TENM2: variants seen among roughly 807,000 people sequenced by gnomAD.
TENM2 encodes the protein teneurin transmembrane protein 2.
Under a neutral mutation model 245.2 loss-of-function variants are expected in TENM2, and 52 were observed. The ratio of observed to expected loss-of-function variants is 0.21; its 90% confidence interval spans 0.17 to 0.27. The LOEUF (loss-of-function observed/expected upper bound fraction) is 0.27. TENM2 is among the 10% of genes least tolerant of loss of function. The pLI, the probability that TENM2 is intolerant of heterozygous loss-of-function variation, is 1.00. For synonymous variants in TENM2, 1,363 were observed against 1,438.9 expected (o/e 0.95, Z 1.19); for missense variants, 3,046 against 3,666.8 (o/e 0.83, Z 4.37).
At chr5:168,040,749 T>C (rs1788114976) in intron 5 of TENM2, among the ~76,000 whole-genome samples, 1 of 152,156 alleles carries the variant, frequency 6.6e-6, no homozygotes, top group South Asian at 2.1e-4. Context: ...AAAATAATAA[T>C]ACATTGCAGT....
At chr5:168,170,924 C>G (rs989411876) in intron 13 of TENM2, among the ~76,000 whole-genome samples, 22 of 152,180 alleles carry the variant, frequency 1.4e-4, no homozygotes, top group Non-Finnish European at 2.8e-4. Context: ...TTAGAGGGCC[C>G]TCTGTATATC....
intron 3 of TENM2, among the ~76,000 whole-genome samples, chr5:167,914,228 A>G (rs1032779238): frequency 1.3e-5 from 2 of 152,216 alleles, no homozygotes; most frequent in African/African-American, 4.8e-5. Context: ...TTAAAAACAC[A>G]CATTTATTAT....
chr5:167,256,839 A>T, the TENM2 span, among the ~76,000 whole-genome samples: 3 of 152,140 alleles, frequency 2.0e-5, no homozygotes, highest in African/African-American at 7.2e-5. Flanking sequence ...GGACTTTGGG[A>T]AAAAGAAAAG....
chr5:167,105,938 A>AAAGG, the TENM2 span, among the ~76,000 whole-genome samples: 28 of 147,056 alleles, frequency 1.9e-4, no homozygotes, highest in Admixed American at 1.6e-3. Flanking sequence ...GAAAGTGATC[A>AAAGG]AAGGAGGAAT....
At position 168,111,896 on chromosome 5, in the gene TENM2, T is replaced by G. The variant is rs144382334; in HGVS notation, c.1814-6396T>G. ...CTTTATTGGCAACTTATATTATTTC[T>G]GATATGTGCTTTGCCTAGGTTTTCA... On this transcript the variant is annotated intron_variant, in intron 9 of 28. Transcript: ENST00000518659. Among the ~76,000 whole-genome samples the G allele has an allele frequency of 4.6e-4, 70 of 152,346 alleles. 1 individual carries two copies. The East Asian group carries it at 0.012, about 25-fold the overall frequency.
At chr5:167,298,868 T>C (rs1755132320) in intron 1 of TENM2, among the ~76,000 whole-genome samples, 1 of 152,152 alleles carries the variant, frequency 6.6e-6, no homozygotes. Flanking sequence ...GCAGGGCATG[T>C]ATGAGTAGTT....
At chr5:167,386,869 T>C (rs745506890) in intron 2 of TENM2, among the ~76,000 whole-genome samples, 139 of 152,286 alleles carry the variant, frequency 9.1e-4, no homozygotes, top group Non-Finnish European at 1.4e-3. Flanking sequence ...CATTTTTATA[T>C]ACCTATTTTT....
intron 2 of TENM2, among the ~76,000 whole-genome samples, chr5:167,445,336 T>TATATATATATATAG (rs368881390): frequency 2.6e-5 from 2 of 77,306 alleles, no homozygotes; most frequent in African/African-American, 5.6e-5. Flanking sequence ...TATATATATA[T>TATATATATATATAG]AGAGAGAGAG....
chr5:168,234,891 G>A (rs1765283175), intron 25 of TENM2, among the ~76,000 whole-genome samples: 1 of 152,208 alleles, frequency 6.6e-6, no homozygotes, highest in South Asian at 2.1e-4. Flanking sequence ...ATTGGTATTA[G>A]TGTTATTAGT....
intron 2 of TENM2, among the ~76,000 whole-genome samples, chr5:167,482,793 A>G (rs1378872163): frequency 6.6e-6 from 1 of 152,240 alleles, no homozygotes; most frequent in Non-Finnish European, 1.5e-5. Context: ...GGCAACAGTT[A>G]TATTAAGTGA....
chr5:167,946,267 G>A (rs1383842494), intron 3 of TENM2, among the ~76,000 whole-genome samples: 2 of 152,086 alleles, frequency 1.3e-5, no homozygotes, highest in Non-Finnish European at 2.9e-5. Context: ...GTCAGAGCAG[G>A]ACAGGACAAG....
intron 25 of TENM2, among the ~76,000 whole-genome samples, chr5:168,234,761 G>T (rs774543910): frequency 6.6e-6 from 1 of 152,132 alleles, no homozygotes; most frequent in African/African-American, 2.4e-5. Context: ...ATATAACCAC[G>T]CTCTAGGATA....
rs577077318 is a variant in TENM2, at chr5:167,375,246, A to G, written c.275A>G (p.His92Arg). The stretch of plus-strand genomic sequence containing the variant: ...CTGGGCATCTGTGAGCCCTCCCCAC[A>G]CCGAAGCGGCTACTGCTCCGACATG... The change falls in exon 2 of 29, where the codon CAC (histidine) becomes CGC (arginine). Residue 92 changes from histidine (H) to arginine (R), a missense_variant. By Grantham distance (29) the His-to-Arg change is conservative. Transcript: ENST00000518659. 2.8e-4 allele frequency: 431 copies of G among 1,551,474 alleles called. 1 individual carries two copies. The highest frequency in any genetic ancestry group is 1.0e-3 in the Middle Eastern group (6 of 6,010).
chr5:167,139,429 CA>C, the TENM2 span, among the ~76,000 whole-genome samples: 1 of 152,150 alleles, frequency 6.6e-6, no homozygotes, highest in Non-Finnish European at 1.5e-5. Flanking sequence ...AATTGTATGA[CA>C]CATAGATTCA....
At chr5:168,044,232 G>A (rs986617259) in intron 5 of TENM2, among the ~76,000 whole-genome samples, 2 of 152,130 alleles carry the variant, frequency 1.3e-5, no homozygotes, top group African/African-American at 2.4e-5. Context: ...TGGCTAACAC[G>A]GTGAAACCCC....
the TENM2 span, among the ~76,000 whole-genome samples, chr5:167,192,785 A>G: frequency 6.6e-6 from 1 of 152,078 alleles, no homozygotes; most frequent in Admixed American, 6.6e-5. Flanking sequence ...TAGGAAAAAA[A>G]TGACTTCTGA....
chr5:168,157,822 C>T (rs544256920), intron 12 of TENM2, among the ~76,000 whole-genome samples: 124 of 152,186 alleles, frequency 8.1e-4, no homozygotes, highest in Admixed American at 4.0e-3. Context: ...TATGTTGAGA[C>T]GCAAGTTGGA....
At position 167,578,408 on chromosome 5, in the gene TENM2, A is replaced by G. The variant is rs564560276; in HGVS notation, c.502+202935A>G. Among the ~76,000 whole-genome samples, 8 of 152,342 alleles carry G rather than the reference A, an allele frequency of 5.3e-5. No individual in the cohort carries two copies. The East Asian group carries it at 1.2e-3, about 22-fold the overall frequency. On this transcript the variant is annotated intron_variant, in intron 2 of 28. Coordinates refer to ENST00000518659, the Ensembl canonical transcript of TENM2. ...AAACGCTGGGGAACGGAGACTGGCTACGAGAAACACCTTCGTATTATAATT... is the reference window on the plus strand; with the variant it reads ...AAACGCTGGGGAACGGAGACTGGCTGCGAGAAACACCTTCGTATTATAATT...
intron 2 of TENM2, among the ~76,000 whole-genome samples, chr5:167,690,931 G>C (rs1469849530): frequency 2.2e-5 from 2 of 90,502 alleles, no homozygotes; most frequent in Non-Finnish European, 4.3e-5. Context: ...GTATGTGTGT[G>C]TGTGTGTGTG....
Sources: gnomAD v4.1 joint callset for allele counts (sites outside exome capture counted in the v4.1 genomes callset) on GRCh38, gnomAD v4.1.1 for gene constraint, MANE v1.5 for transcripts, NCBI Gene and HGNC (gene_info 2026-07-23, HGNC 2026-07-21) for gene names.